INHBA: variants seen among roughly 807,000 people sequenced by gnomAD.
INHBA encodes the protein inhibin beta A chain.
INHBA carries 1 observed loss-of-function variant against 29.0 expected under a neutral mutation model. The ratio of observed to expected loss-of-function variants is 0.03; its 90% CI spans 0.01 to 0.16. INHBA has a LOEUF of 0.16. Ranked by LOEUF, INHBA falls within the 10% of genes least tolerant of loss-of-function variation. The pLI, the probability that INHBA is intolerant of heterozygous loss-of-function variation, is 1.00. For missense variants in INHBA, 376 were observed against 545.4 expected (o/e 0.69, Z 3.09); for synonymous variants, 242 against 216.8 (o/e 1.12, Z -1.02).
chr7:41,689,731 G>A lies in INHBA; in HGVS notation c.1200C>T (p.Ser400=), dbSNP rs778157114. The A allele has an allele frequency of 3.7e-6, 6 of 1,613,926 alleles. No individual in the cohort carries two copies. The highest frequency in any genetic ancestry group is 5.1e-6 in the Non-Finnish European group (6 of 1,179,966). Residue 400 remains serine (S), a synonymous_variant, in exon 3 of 3, where the codon TCC becomes TCT. Coordinates refer to ENST00000242208, the MANE Select transcript of INHBA (RefSeq NM_002192.4). ...TTTGACCATCATCATAGTACAACAT[G>A]GACATGGGTCTCAGCTTGGTGGGCA... ...CCVPTKLRPM[S]MLYYDDGQNI...
rs199688565 is a variant in INHBA, at chr7:41,694,181, G to T, written c.389-3639C>A. 5.3e-5 allele frequency: 8 copies of T among 152,218 alleles called. No individual in the cohort carries two copies. In the East Asian group the frequency reaches 1.3e-3, roughly 26 times the overall value. 9.4% of individuals were successfully genotyped at this position (152,218 alleles called of 1,614,324 possible). On this transcript the variant is annotated intron_variant, in intron 2 of 2. Coordinates refer to ENST00000242208, the MANE Select transcript of INHBA (RefSeq NM_002192.4). ...CTTTCATTGCAGAAGGGTGTGGGGA[G>T]ATGAGACTGCTGGAAACTGACGTGG...
intron 2 of INHBA, among the ~76,000 whole-genome samples, chr7:41,692,878 T>G (rs897577369): frequency 2.6e-5 from 4 of 152,194 alleles, no homozygotes; most frequent in African/African-American, 9.7e-5. Flanking sequence ...TAAGCAGAGC[T>G]TAATCATTTA....
Position 41,700,434 on chromosome 7 carries a change from C to G in INHBA, c.-60G>C. ...AAAGGCCCTGCTTTTCCTCCCCCCT[C>G]ACGCGCAGGTTTTTTTGTGTGTGTG... On this transcript the variant is annotated 5_prime_UTR_variant, in exon 2 of 3. Transcript: ENST00000242208. The G allele has an allele frequency of 7.4e-7, 1 of 1,345,580 alleles. No homozygotes were observed. 83.4% of individuals were successfully genotyped at this position (1,345,580 alleles called of 1,614,324 possible). A position where few individuals can be genotyped will look rare whatever the true frequency, so the allele number is the denominator to read the frequency against.
chr7:41,700,257 G>C lies in INHBA; in HGVS notation c.118C>G (p.Leu40Val), dbSNP rs771248041. ...SAAPDCPSCA[L>V]AALPKDVPNS... is the part of the protein sequence containing the mutation. ...GGTACATCCTTTGGGAGGGCGGCCAGCGCACAGGACGGACAGTCGGGGGCC... is the reference window on the plus strand; with the variant it reads ...GGTACATCCTTTGGGAGGGCGGCCACCGCACAGGACGGACAGTCGGGGGCC... The change falls in exon 2 of 3, where the codon CTG becomes GTG. Residue 40 changes from leucine to valine, a missense_variant. Physicochemically the swap from Leu to Val is conservative, Grantham distance 32. This residue lies in a region of INHBA where 71 missense variants were observed against 77.0 expected (regional missense o/e 0.92). Coordinates refer to ENST00000242208, the MANE Select transcript of INHBA (RefSeq NM_002192.4). The C allele has an allele frequency of 6.2e-6, 10 of 1,610,364 alleles. No individual in the cohort carries two copies. Among genetic ancestry groups the C allele is most frequent in the Non-Finnish European group, 8.5e-6 (10 of 1,177,666 alleles).
At chr7:41,692,482 C>T (rs1037262408) in intron 2 of INHBA, 1 of 152,204 alleles carries the variant, frequency 6.6e-6, no homozygotes, top group Non-Finnish European at 1.5e-5. Context: ...ATTTAACACA[C>T]TCTGCACACT....
In INHBA at chr7:41,690,033, A is replaced by C; in HGVS notation, c.898T>G (p.Ser300Ala). Residue 300 changes from serine to alanine, a missense_variant, in exon 3 of 3, where the codon TCT (serine) becomes GCT (alanine). Ser to Ala is a moderately conservative substitution (Grantham distance 99). Transcript: ENST00000242208. The stretch of plus-strand genomic sequence containing the variant: ...CGCCGGCGATGAGGGTGGTCTTCAG[A>C]CTGCCGGGCCTGCAGCATGAGGAAA... ...RPFLMLQARQSEDHPHRRRRR... is the reference protein window; with the variant it reads ...RPFLMLQARQAEDHPHRRRRR... 6.2e-7 allele frequency: 1 copy of C among 1,614,048 alleles called. No individual in the cohort carries two copies. The highest frequency in any genetic ancestry group is 8.5e-7 in the Non-Finnish European group (1 of 1,180,024).
At chr7:41,695,960 G>C (rs1197943931) in intron 2 of INHBA, among the ~76,000 whole-genome samples, 1 of 152,036 alleles carries the variant, frequency 6.6e-6, no homozygotes, top group Non-Finnish European at 1.5e-5. Context: ...TATTACAACG[G>C]ACTTTCCACC....
Position 41,688,748 on chromosome 7 carries a change from A to T in INHBA, c.*902T>A, listed in dbSNP as rs1374558678. 1 of 177,518 alleles carries T rather than the reference A, an allele frequency of 5.6e-6. No individual in the cohort carries two copies. The highest frequency in any genetic ancestry group is 1.2e-5 in the Non-Finnish European group (1 of 83,406). The allele number at this position is 177,518 out of a possible 1,614,324, so 11.0% of individuals were successfully genotyped here. On this transcript the variant is annotated 3_prime_UTR_variant, in exon 3 of 3. Coordinates refer to ENST00000242208, the MANE Select transcript of INHBA (RefSeq NM_002192.4). ...CAACAACAACATTTACAAAATATAGAAATGTTTGGATCCAACAGATGGACA... is the reference window on the plus strand; with the variant it reads ...CAACAACAACATTTACAAAATATAGTAATGTTTGGATCCAACAGATGGACA...
chr7:41,699,096 C>T (rs1434763276), intron 2 of INHBA, among the ~76,000 whole-genome samples: 8 of 152,158 alleles, frequency 5.3e-5, no homozygotes, highest in Admixed American at 6.5e-5. Context: ...TGGGCCCATA[C>T]TTTTGACAGG....
In INHBA at chr7:41,700,437, G is replaced by A. The variant is rs1794754207; in HGVS notation, c.-63C>T. The A allele has an allele frequency of 2.2e-6, 3 of 1,336,904 alleles. No individual in the cohort carries two copies. Among genetic ancestry groups the A allele is most frequent in the Admixed American group, 2.7e-5 (1 of 37,714 alleles). 82.8% of individuals were successfully genotyped at this position (1,336,904 alleles called of 1,614,324 possible). A position where few individuals can be genotyped will look rare whatever the true frequency, so the allele number is the denominator to read the frequency against. ...GGCCCTGCTTTTCCTCCCCCCTCAC[G>A]CGCAGGTTTTTTTGTGTGTGTGGAT... On this transcript the variant is annotated 5_prime_UTR_variant, in exon 2 of 3. Transcript: ENST00000242208.
At chr7:41,698,271 T>C (rs1583597725) in intron 2 of INHBA, among the ~76,000 whole-genome samples, 1 of 152,160 alleles carries the variant, frequency 6.6e-6, no homozygotes, top group South Asian at 2.1e-4. Flanking sequence ...ATATTGCTAG[T>C]AACGGTAGTG....
intron 2 of INHBA, among the ~76,000 whole-genome samples, chr7:41,695,833 G>T (rs1415971565): frequency 6.6e-6 from 1 of 152,166 alleles, no homozygotes; most frequent in Non-Finnish European, 1.5e-5. Context: ...CGAGTACGAA[G>T]AATTCAGAAC....
In INHBA at chr7:41,688,215, A is replaced by G. The variant is rs1489282715; in HGVS notation, c.*1435T>C. On this transcript the variant is annotated 3_prime_UTR_variant, in exon 3 of 3. Transcript: ENST00000242208. ...TATGGACATGGTACAATACATGTAT[A>G]TATACATACAGATATGCATATGCAC... is the stretch of plus-strand genomic sequence containing the variant. 1.3e-5 allele frequency: 2 copies of G among 152,372 alleles called. No individual in the cohort carries two copies. Among genetic ancestry groups the G allele is most frequent in the East Asian group, 3.9e-4 (2 of 5,190 alleles). 9.4% of individuals were successfully genotyped at this position (152,372 alleles called of 1,614,324 possible).
rs190378971 is a variant in INHBA at position 41,686,859 on chromosome 7, A to C, written c.*2791T>G. ...AATTTCTGCTTTTTCCATGGCCTTG[A>C]CCATCTTTGCTACTGCGCAGTGAAC... is the stretch of plus-strand genomic sequence containing the variant. On this transcript the variant is annotated 3_prime_UTR_variant, in exon 3 of 3. Transcript: ENST00000242208. The C allele has an allele frequency of 6.6e-6, 1 of 152,314 alleles. No individual in the cohort carries two copies. 9.4% of individuals were successfully genotyped at this position (152,314 alleles called of 1,614,324 possible). A position where few individuals can be genotyped will look rare whatever the true frequency, so the allele number is the denominator to read the frequency against.
At chr7:41,694,082 T>C (rs1310936149) in intron 2 of INHBA, 1 of 152,220 alleles carries the variant, frequency 6.6e-6, no homozygotes, top group Non-Finnish European at 1.5e-5. Flanking sequence ...GTCTACCTTA[T>C]ATGCAGGTAC....
rs1161290614 is a variant in INHBA, at chr7:41,687,503, A to G, written c.*2147T>C. 1 of 152,240 alleles carries G rather than the reference A, an allele frequency of 6.6e-6. No individual in the cohort carries two copies. The highest frequency in any genetic ancestry group is 6.5e-5 in the Admixed American group (1 of 15,280). The allele number at this position is 152,240 out of a possible 1,614,324, so 9.4% of individuals were successfully genotyped here. On this transcript the variant is annotated 3_prime_UTR_variant, in exon 3 of 3. Transcript: ENST00000242208. ...GGCAAGCTAAGTACTAGAATAAACT[A>G]GATAAAAACTTGGCTTTAAGCATGT...
In INHBA at chr7:41,689,102, C is replaced by CTGTGTGTG. The variant is rs56919042; in HGVS notation, c.*540_*547dup. 0.03 allele frequency: 6,837 copies of CTGTGTGTG among 224,606 alleles called. 409 individuals are homozygous for CTGTGTGTG. The highest frequency in any genetic ancestry group is 0.14 in the African/African-American group (6,180 of 43,042). The allele number at this position is 224,606 out of a possible 1,614,324, so 13.9% of individuals were successfully genotyped here. A position where few individuals can be genotyped will look rare whatever the true frequency, so the allele number is the denominator to read the frequency against. On this transcript the variant is annotated 3_prime_UTR_variant, in exon 3 of 3. Transcript: ENST00000242208. ...GTATATATGTAATGTGTGGAAATGC[C>CTGTGTGTG]TGTGTGTGTGTGTGTGTGTGTGTGT...
In INHBA at chr7:41,690,155, T is replaced by C; in HGVS notation, c.776A>G (p.Lys259Arg). The change falls in exon 3 of 3, where the codon AAG becomes AGG. Residue 259 changes from lysine (K) to arginine (R), a missense_variant. Around this residue, in one of 4 missense-constraint regions of INHBA, gnomAD observed 253 missense variants for 313.4 expected, o/e 0.81. Transcript: ENST00000242208. ...CCCCTCCTCTTCTTTCTTCTTCTTC[T>C]TGCCCAGGAGAACCAAGCTGGCGCC... ...ESGASLVLLG[K>R]KKKKEEEGEG... 6.2e-7 allele frequency: 1 copy of C among 1,613,610 alleles called. No homozygotes were observed. Among genetic ancestry groups the C allele is most frequent in the Non-Finnish European group, 8.5e-7 (1 of 1,179,990 alleles).
At position 41,690,265 on chromosome 7, in the gene INHBA, A is replaced by G. The variant is rs1192050194; in HGVS notation, c.666T>C (p.Pro222=). 1.2e-6 allele frequency: 2 copies of G among 1,614,134 alleles called. No individual in the cohort carries two copies. Among genetic ancestry groups the G allele is most frequent in the Non-Finnish European group, 8.5e-7 (1 of 1,180,030 alleles). The change falls in exon 3 of 3, where the codon CCT becomes CCC. Residue 222 remains proline (P), a synonymous_variant. Transcript: ENST00000242208. The part of the protein sequence containing the change: ...DARKSTWHVF[P]VSSSIQRLLD... ...GCAACCGCTGGATGCTGCTGGAGAC[A>G]GGGAAGACATGCCAGGTGCTCTTCC...
Sources: gnomAD v4.1 joint callset for allele counts (sites outside exome capture counted in the v4.1 genomes callset) on GRCh38, gnomAD v4.1.1 for gene constraint, gnomAD v4.1.1 regional missense constraint, MANE v1.5 for transcripts, NCBI Gene and HGNC (gene_info 2026-07-23, HGNC 2026-07-21) for gene names.